The following PIEZO2 variants were observed in gnomAD, a reference collection of about 807,000 sequenced individuals.
The protein encoded by PIEZO2 is piezo type mechanosensitive ion channel component 2.
In PIEZO2, 172 loss-of-function variants were observed where a neutral mutation model predicts 337.3. The observed-to-expected ratio is 0.51, with a 90% CI of 0.45 to 0.58. The LOEUF is 0.58. PIEZO2 is among the 20% of genes least tolerant of loss of function. The pLI is 0.00. For missense variants in PIEZO2, 3,028 were observed against 3,391.3 expected, an observed-to-expected ratio of 0.89 and a Z score of 2.66; for synonymous variants, 1,251 against 1,228.5, an observed-to-expected ratio of 1.02 and a Z score of -0.38.
At chr18:10,718,458 A>G (rs2036105735) in intron 36 of PIEZO2, among the ~76,000 whole-genome samples, 199 bp from the exon 37 acceptor site, 1 of 152,282 alleles carries the variant, frequency 6.6e-6, no homozygotes, top group Non-Finnish European at 1.5e-5. Context: ...ATGTAAATCA[A>G]GGATGTGTAA....
intron 17 of PIEZO2, among the ~76,000 whole-genome samples, chr18:10,782,395 A>AT (rs1491569534): frequency 4.5e-4 from 37 of 82,200 alleles, no homozygotes; most frequent in African/African-American, 1.6e-3. Context: ...AATTATATAT[A>AT]AATAATTATA....
chr18:10,741,922 G>A (rs981618119), intron 32 of PIEZO2, among the ~76,000 whole-genome samples: 2 of 152,114 alleles, frequency 1.3e-5, no homozygotes, highest in African/African-American at 4.8e-5. Flanking sequence ...GGGAGGCCGA[G>A]GTGGGCGGAT....
intron 3 of PIEZO2, among the ~76,000 whole-genome samples, chr18:10,961,639 C>T (rs2033786532): frequency 6.6e-6 from 1 of 152,036 alleles, no homozygotes; most frequent in Admixed American, 6.5e-5. Context: ...ATATAGTGCT[C>T]AGGAGATTCT....
In PIEZO2 at chr18:10,766,339, G is replaced by A. The variant is rs1351732109; in HGVS notation, c.2947-3241C>T. Reference sequence around the variant, plus strand: ...AGGAGAAGTAGGAGGAGAAGGAGGAGGAGGAGGACAATGACTATGACAAAT... The same window carrying A: ...AGGAGAAGTAGGAGGAGAAGGAGGAAGAGGAGGACAATGACTATGACAAAT... On this transcript the variant is annotated intron_variant, in intron 21 of 55. Transcript: ENST00000674853. The surrounding 1 kb of genome is among the most constrained non-coding windows in gnomAD (Gnocchi z 6.1). 6.6e-6 allele frequency among the ~76,000 whole-genome samples: 1 copy of A among 151,850 alleles called. No homozygotes were observed. The highest frequency in any genetic ancestry group is 6.6e-5 in the Admixed American group (1 of 15,232).
chr18:10,986,441 C>A (rs1327020620), intron 2 of PIEZO2, among the ~76,000 whole-genome samples: 1 of 151,896 alleles, frequency 6.6e-6, no homozygotes, highest in Non-Finnish European at 1.5e-5. Context: ...ATACACAAAT[C>A]TATAAATGTT....
intron 3 of PIEZO2, among the ~76,000 whole-genome samples, chr18:10,965,615 C>A (rs191231937): frequency 2.0e-5 from 3 of 152,136 alleles, no homozygotes; most frequent in Non-Finnish European, 4.4e-5. Context: ...GTGAAAATAA[C>A]GTCCAAATTC....
rs984239642 is a variant in PIEZO2, at chr18:10,993,816, C to T, written c.161-14156G>A. On this transcript the variant is annotated intron_variant, in intron 2 of 55. Transcript: ENST00000674853. The surrounding 1 kb of genome is among the most constrained non-coding windows in gnomAD (Gnocchi z 5.0). ...TGCTGGGATTACAGGCGTGAGCCAC[C>T]GCTCCTGGCCATGTCTCTGCTTTTT... Among the ~76,000 whole-genome samples, 10 of 152,078 alleles carry T rather than the reference C, an allele frequency of 6.6e-5. No individual in the cohort carries two copies. Among genetic ancestry groups the T allele is most frequent in the Non-Finnish European group, 1.3e-4 (9 of 68,018 alleles).
At position 10,678,011 on chromosome 18, in the gene PIEZO2, T is replaced by G. The variant is rs1328227646; in HGVS notation, c.7953-136A>C. The G allele has an allele frequency of 2.4e-5, 19 of 792,770 alleles. No homozygotes were observed. In the East Asian group the frequency reaches 5.2e-4, roughly 22 times the overall value. 49.1% of individuals were successfully genotyped at this position (792,770 alleles called of 1,614,324 possible). A position where few individuals can be genotyped will look rare whatever the true frequency, so the allele number is the denominator to read the frequency against. On this transcript the variant is annotated intron_variant, in intron 52 of 55. Transcript: ENST00000674853. ...GTCCACAACGGTCAATCCTGACCCT[T>G]TCAGTCTACTTCACCTCAATGCTCA...
chr18:10,871,460 T>C (rs974394622), intron 4 of PIEZO2, 45 bp from the exon 5 acceptor site: 2 of 1,498,384 alleles, frequency 1.3e-6, no homozygotes, highest in African/African-American at 1.4e-5. Flanking sequence ...TTAGTTCTTA[T>C]ATTTCTACGG....
chr18:11,089,843 T>C (rs960146859), intron 1 of PIEZO2, among the ~76,000 whole-genome samples: 1 of 152,230 alleles, frequency 6.6e-6, no homozygotes, highest in Non-Finnish European at 1.5e-5. Flanking sequence ...GAGCATTTCC[T>C]GTCTTAGCCC....
Position 10,934,556 on chromosome 18 carries a change from G to A in PIEZO2, c.287-23328C>T, listed in dbSNP as rs191531034. Among the ~76,000 whole-genome samples, 40 of 152,022 alleles carry A rather than the reference G, an allele frequency of 2.6e-4. No homozygotes were observed. In the South Asian group the frequency reaches 5.0e-3, roughly 19 times the overall value. ...ATTTGTTGATATGCTAAGGAATTTCGACTGATCTCAGTCAGTAACTTGAGT... is the reference window on the plus strand; with the variant it reads ...ATTTGTTGATATGCTAAGGAATTTCAACTGATCTCAGTCAGTAACTTGAGT... On this transcript the variant is annotated intron_variant, in intron 3 of 55. Coordinates refer to ENST00000674853, the MANE Select transcript of PIEZO2 (RefSeq NM_001378183.1).
intron 1 of PIEZO2, among the ~76,000 whole-genome samples, chr18:11,085,767 G>T (rs892532758): frequency 4.9e-5 from 7 of 143,788 alleles, no homozygotes; most frequent in African/African-American, 1.5e-4. Flanking sequence ...TGAAAATATA[G>T]AAAAAAAATT....
In PIEZO2 at chr18:11,048,522, G is replaced by A. The variant is rs150531078; in HGVS notation, c.160+17605C>T. ...GTAATTGTCTACTTACATGTTGGAAGGCAAGTGCCCAACATGCATAATCTC... is the reference window on the plus strand; with the variant it reads ...GTAATTGTCTACTTACATGTTGGAAAGCAAGTGCCCAACATGCATAATCTC... On this transcript the variant is annotated intron_variant, in intron 2 of 55. Transcript: ENST00000674853. The surrounding 1 kb of genome is among the most constrained non-coding windows in gnomAD (Gnocchi z 4.5). 3.9e-5 allele frequency among the ~76,000 whole-genome samples: 6 copies of A among 152,326 alleles called. 1 individual carries two copies. In the East Asian group the frequency reaches 1.2e-3, roughly 29 times the overall value.
chr18:10,964,688 A>AC (rs1005839418), intron 3 of PIEZO2, among the ~76,000 whole-genome samples: 13 of 152,158 alleles, frequency 8.5e-5, no homozygotes, highest in African/African-American at 3.1e-4. Context: ...TGCAACTACC[A>AC]CCCTACTAGT....
chr18:10,926,282 C>T (rs960882305), intron 3 of PIEZO2, among the ~76,000 whole-genome samples: 4 of 152,162 alleles, frequency 2.6e-5, no homozygotes, highest in African/African-American at 4.8e-5. Context: ...CATTCAGCGG[C>T]GTCACGTTCA....
chr18:11,043,871 G>T (rs1032434745), intron 2 of PIEZO2, among the ~76,000 whole-genome samples: 1 of 151,808 alleles, frequency 6.6e-6, no homozygotes, highest in African/African-American at 2.4e-5. Context: ...AGGGGGTTTC[G>T]TCATGTTTGC....
At chr18:10,802,041 C>T (rs1218771013) in intron 9 of PIEZO2, among the ~76,000 whole-genome samples, 1 of 145,810 alleles carries the variant, frequency 6.9e-6, no homozygotes, top group Non-Finnish European at 1.5e-5. Context: ...AGCCGAGATC[C>T]CGCCACTGCA....
intron 3 of PIEZO2, among the ~76,000 whole-genome samples, chr18:10,963,004 T>A (rs569908557): frequency 3.0e-4 from 45 of 152,256 alleles, no homozygotes; most frequent in African/African-American, 1.0e-3. Context: ...TAGAAATATC[T>A]GGCCTGGTAT....
intron 49 of PIEZO2, among the ~76,000 whole-genome samples, chr18:10,685,759 G>A (rs1197449273): frequency 3.3e-5 from 5 of 152,306 alleles, no homozygotes; most frequent in South Asian, 4.2e-4. Context: ...GTGAAACGGC[G>A]TCTCACTGTC....
Sources: allele counts gnomAD v4.1 joint callset (sites outside exome capture counted in the v4.1 genomes callset), GRCh38; gene constraint gnomAD v4.1.1; non-coding constraint Gnocchi (gnomAD v3.1); transcripts MANE v1.5; gene names NCBI Gene and HGNC (gene_info 2026-07-23, HGNC 2026-07-21).